The following B3GALNT1 variants were observed in gnomAD, a reference collection of about 807,000 sequenced individuals.
B3GALNT1 encodes beta-1,3-N-acetylgalactosaminyltransferase 1 (Globoside blood group), also known as UDP-GalNAc:beta-1,3-N-acetylgalactosaminyltransferase 1.
In B3GALNT1, 17 loss-of-function variants were observed where a neutral mutation model predicts 27.3. The observed-to-expected ratio is 0.62, with a 90% CI of 0.43 to 0.94. The LOEUF is 0.94. Among genes scored for constraint, B3GALNT1 ranks in the 40% least tolerant of loss-of-function variants. The pLI is 0.00. For synonymous variants in B3GALNT1, 141 were observed against 144.0 expected (o/e 0.98, Z 0.15); for missense variants, 347 against 390.0 (o/e 0.89, Z 0.93).
At chr3:161,091,805 A>G (rs1725264343) in intron 4 of B3GALNT1, among the ~76,000 whole-genome samples, 1 of 152,234 alleles carries the variant, frequency 6.6e-6, no homozygotes, top group African/African-American at 2.4e-5. Flanking sequence ...CACAGCCCCC[A>G]TGGATAAGCA....
chr3:161,087,570 C>T (rs1252194788), intron 4 of B3GALNT1, among the ~76,000 whole-genome samples: 1 of 152,172 alleles, frequency 6.6e-6, no homozygotes, highest in African/African-American at 2.4e-5. Flanking sequence ...CCCATTCCAA[C>T]CTCTTCAGAA....
intron 1 of B3GALNT1, 85 bp from the exon 2 acceptor site, chr3:161,104,491 T>C (rs1020349187): frequency 3.6e-6 from 2 of 549,084 alleles, no homozygotes; most frequent in African/African-American, 2.0e-5. Flanking sequence ...GAACGGATAC[T>C]GAATTCAAAG....
chr3:161,103,830 C>A, intron 2 of B3GALNT1: 1 of 183,170 alleles, frequency 5.5e-6, no homozygotes, highest in Non-Finnish European at 1.1e-5. Flanking sequence ...CGGGTTCGAG[C>A]AATTCTCCTG....
rs923569131 is a variant in B3GALNT1 at position 161,084,241 on chromosome 3, G to A, written c.*1518C>T. ...TCCTATATGGATGGAGATTAACAAG[G>A]GCATAGATCGATTCTATAGAATATT... On this transcript the variant is annotated 3_prime_UTR_variant, in exon 5 of 5. Coordinates refer to ENST00000320474, the MANE Select transcript of B3GALNT1 (RefSeq NM_003781.4). 6.6e-6 allele frequency: 1 copy of A among 152,052 alleles called. No individual in the cohort carries two copies. Among genetic ancestry groups the A allele is most frequent in the Non-Finnish European group, 1.5e-5 (1 of 68,010 alleles). 9.4% of individuals were successfully genotyped at this position (152,052 alleles called of 1,614,324 possible). A position where few individuals can be genotyped will look rare whatever the true frequency, so the allele number is the denominator to read the frequency against.
Position 161,104,338 on chromosome 3 carries a change from G to T in B3GALNT1, c.-240C>A, listed in dbSNP as rs1442638665. The T allele has an allele frequency of 7.8e-7, 1 of 1,289,626 alleles. No homozygotes were observed. The highest frequency in any genetic ancestry group is 1.2e-5 in the South Asian group (1 of 81,012). The allele number at this position is 1,289,626 out of a possible 1,614,324, so 79.9% of individuals were successfully genotyped here. ...CCTTACCTCTGAAAACAGAAAAAAA[G>T]ACATGGTTTGGCAATTTCTTCCTTG... On this transcript the variant is annotated 5_prime_UTR_variant, in exon 2 of 5. Transcript: ENST00000320474.
intron 4 of B3GALNT1, among the ~76,000 whole-genome samples, chr3:161,091,268 AAAAT>A (rs763242184): frequency 2.0e-5 from 3 of 152,146 alleles, no homozygotes; most frequent in Non-Finnish European, 4.4e-5. Flanking sequence ...GACCGTTTCA[AAAAT>A]AAATAAATAA....
chr3:161,088,203 C>T (rs1723053320), intron 4 of B3GALNT1, among the ~76,000 whole-genome samples: 1 of 152,174 alleles, frequency 6.6e-6, no homozygotes, highest in South Asian at 2.1e-4. Flanking sequence ...TCCTTGTCCT[C>T]TTCATCTGGT....
chr3:161,097,908 G>C (rs772191842), intron 4 of B3GALNT1, among the ~76,000 whole-genome samples: 5 of 152,176 alleles, frequency 3.3e-5, no homozygotes, highest in South Asian at 2.1e-4. Flanking sequence ...ATAATAGGAA[G>C]TGAAATTTTA....
At chr3:161,102,691 TC>T (rs1411736264) in intron 3 of B3GALNT1, among the ~76,000 whole-genome samples, 1 of 152,204 alleles carries the variant, frequency 6.6e-6, no homozygotes, top group Non-Finnish European at 1.5e-5. Flanking sequence ...TCCTGTTTGA[TC>T]CCACGTGCTT....
At chr3:161,101,576 G>A (rs970811921) in intron 3 of B3GALNT1, among the ~76,000 whole-genome samples, 17 of 152,132 alleles carry the variant, frequency 1.1e-4, no homozygotes, top group East Asian at 7.7e-4. Flanking sequence ...AATGCAGAGC[G>A]TGGTGGAAGA....
At position 161,086,624 on chromosome 3, in the gene B3GALNT1, A is replaced by G; in HGVS notation, c.131T>C (p.Ile44Thr). Residue 44 changes from isoleucine (I) to threonine (T), a missense_variant, in exon 5 of 5, where the codon ATA (isoleucine) becomes ACA (threonine). Transcript: ENST00000320474. ...WYLSLPHYNV[I>T]ERVNWMYFYE... Reference sequence around the variant, plus strand: ...GAAGTACATCCAGTTCACGCGTTCTATCACATTGTAGTGGGGAAGGCTGAG... The same window carrying G: ...GAAGTACATCCAGTTCACGCGTTCTGTCACATTGTAGTGGGGAAGGCTGAG... The G allele has an allele frequency of 6.2e-7, 1 of 1,614,202 alleles. No homozygotes were observed. The highest frequency in any genetic ancestry group is 8.5e-7 in the Non-Finnish European group (1 of 1,180,046).
At chr3:161,099,876 C>G (rs1195181516) in intron 4 of B3GALNT1, among the ~76,000 whole-genome samples, 1 of 152,046 alleles carries the variant, frequency 6.6e-6, no homozygotes, top group South Asian at 2.1e-4. Context: ...AGCATCTGGG[C>G]AAAGGGGGTC....
intron 4 of B3GALNT1, among the ~76,000 whole-genome samples, chr3:161,100,206 T>C (rs929107963): frequency 2.0e-5 from 3 of 152,244 alleles, no homozygotes; most frequent in Admixed American, 2.0e-4. Flanking sequence ...ATGTTTAAAA[T>C]GTAGTTCATA....
In B3GALNT1 at chr3:161,086,821, C is replaced by T. The variant is rs142088901; in HGVS notation, c.-34-33G>A. On this transcript the variant is annotated intron_variant, in intron 4 of 4. Transcript: ENST00000320474. ...AGTTATCAAAGATTGGGTTAATATT[C>T]CACACCGAAAACACATTTTCAAAAG... 111 of 1,582,492 alleles carry T rather than the reference C, an allele frequency of 7.0e-5. No individual in the cohort carries two copies. The African/African-American group carries it at 1.3e-3, about 19-fold the overall frequency.
Position 161,086,417 on chromosome 3 carries a change from A to G in B3GALNT1, c.338T>C (p.Leu113Pro). ...CTCTTGGCCTAATAAGAAAAATGTA[A>G]GAACCTCATATCCCCACCAAGACTT... ...EKKSWWGYEV[L>P]TFFLLGQEAE... The change falls in exon 5 of 5, where the codon CTT becomes CCT. Residue 113 changes from leucine (L) to proline (P), a missense_variant. Leu to Pro is a moderately conservative substitution (Grantham distance 98). Transcript: ENST00000320474. 1 of 1,614,008 alleles carries G rather than the reference A, an allele frequency of 6.2e-7. No homozygotes were observed. Among genetic ancestry groups the G allele is most frequent in the African/African-American group, 1.3e-5 (1 of 75,060 alleles).
At chr3:161,098,445 G>A (rs1729414321) in intron 4 of B3GALNT1, among the ~76,000 whole-genome samples, 1 of 152,190 alleles carries the variant, frequency 6.6e-6, no homozygotes, top group South Asian at 2.1e-4. Flanking sequence ...CGGGCATGGT[G>A]GCTCATGCCT....
At chr3:161,097,501 T>C (rs575029131) in intron 4 of B3GALNT1, among the ~76,000 whole-genome samples, 96 of 152,280 alleles carry the variant, frequency 6.3e-4, no homozygotes, top group Middle Eastern at 3.4e-3. Flanking sequence ...GTAAGTCTTC[T>C]CCTAGAGTCC....
chr3:161,085,796 C>T lies in B3GALNT1; in HGVS notation c.959G>A (p.Trp320Ter), dbSNP rs1458558563. The change falls in exon 5 of 5, where the codon TGG (tryptophan) becomes TAG (stop). Residue 320 changes from tryptophan (W) to a stop codon, truncating the protein, a stop_gained. Transcript: ENST00000320474. LOFTEE classifies it high-confidence loss of function. The stretch of plus-strand genomic sequence containing the variant: ...TGTGGTGTTCCTTAGCATGACCTGC[C>T]AAAAAGTGATGATCTCCTTGGAAGA... ...GFSSKEIITF[W>*]QVMLRNTTCH... is the part of the protein sequence containing the mutation. 6.2e-7 allele frequency: 1 copy of T among 1,613,926 alleles called. No individual in the cohort carries two copies. The highest frequency in any genetic ancestry group is 8.5e-7 in the Non-Finnish European group (1 of 1,180,014).
chr3:161,087,801 A>G (rs960968669), intron 4 of B3GALNT1, among the ~76,000 whole-genome samples: 9 of 152,164 alleles, frequency 5.9e-5, no homozygotes, highest in African/African-American at 2.2e-4. Flanking sequence ...ATGTATGTAT[A>G]TTTACTGGAC....
Sources: allele counts gnomAD v4.1 joint callset (sites outside exome capture counted in the v4.1 genomes callset), GRCh38; gene constraint gnomAD v4.1.1; transcripts MANE v1.5; gene names NCBI Gene and HGNC (gene_info 2026-07-23, HGNC 2026-07-21).